The following SGCZ variants were observed in gnomAD, a reference collection of about 807,000 sequenced individuals.
SGCZ encodes sarcoglycan zeta, also known as zeta-sarcoglycan.
Under a neutral mutation model 41.3 loss-of-function variants are expected in SGCZ, and 40 were observed. The observed-to-expected ratio is 0.97, with a 90% CI of 0.75 to 1.26. SGCZ has a LOEUF of 1.26. SGCZ is among the 50% of genes most tolerant of loss of function. The pLI is 0.00. For missense variants in SGCZ, 552 were observed against 369.8 expected, an observed-to-expected ratio of 1.49 and a Z score of -4.04; for synonymous variants, 206 against 137.5, an observed-to-expected ratio of 1.50 and a Z score of -3.49.
chr8:14,704,994 CATTT>C (rs1384005910), intron 1 of SGCZ, among the ~76,000 whole-genome samples: 7 of 152,048 alleles, frequency 4.6e-5, no homozygotes, highest in Middle Eastern at 3.4e-3. Flanking sequence ...TTGAAATTGA[CATTT>C]ATTAGAAAAT....
chr8:14,379,522 A>C (rs1804275683), intron 2 of SGCZ, among the ~76,000 whole-genome samples: 3 of 152,166 alleles, frequency 2.0e-5, no homozygotes. Context: ...GAAACAACTC[A>C]ATATCATGAA....
Position 14,164,961 on chromosome 8 carries a change from C to A in SGCZ, c.425-259G>T, listed in dbSNP as rs565859431. ...GCATGTGAGTTTAGCCAGTTAAGAG[C>A]CCTTCACATATCCACAAAAAGAGAC... On this transcript the variant is annotated intron_variant, in intron 4 of 7. Transcript: ENST00000382080. The A allele has an allele frequency of 2.2e-4, 81 of 374,218 alleles. 1 individual carries two copies. The South Asian group carries it at 2.4e-3, about 11-fold the overall frequency. 23.2% of individuals were successfully genotyped at this position (374,218 alleles called of 1,614,324 possible). A position where few individuals can be genotyped will look rare whatever the true frequency, so the allele number is the denominator to read the frequency against.
At chr8:15,229,004 G>C (rs1189479837) in intron 1 of SGCZ, among the ~76,000 whole-genome samples, 2 of 152,122 alleles carry the variant, frequency 1.3e-5, no homozygotes, top group East Asian at 3.9e-4. Context: ...GACCAGCCTG[G>C]CCAACATGGT....
rs757969917 is a variant in SGCZ at position 14,554,825 on chromosome 8, C to T, written c.141G>A (p.Arg47=). Residue 47 remains arginine (R), a synonymous_variant, in exon 2 of 8, where the codon AGG becomes AGA. Coordinates refer to ENST00000382080, the MANE Select transcript of SGCZ (RefSeq NM_139167.4). Reference sequence around the variant, plus strand: ...GCAGAAGGACAAAGAAGTATAAGCACCTCTTTCGCCATCCATAAATTCCCA... The same window carrying T: ...GCAGAAGGACAAAGAAGTATAAGCATCTCTTTCGCCATCCATAAATTCCCA... ...YPVGIYGWRK[R]CLYFFVLLLL... 24 of 1,613,078 alleles carry T rather than the reference C, an allele frequency of 1.5e-5. No individual in the cohort carries two copies. The highest frequency in any genetic ancestry group is 1.9e-5 in the Non-Finnish European group (23 of 1,179,542).
At chr8:14,333,570 A>G (rs1219043749) in intron 2 of SGCZ, among the ~76,000 whole-genome samples, 4 of 152,138 alleles carry the variant, frequency 2.6e-5, no homozygotes, top group African/African-American at 9.7e-5. Context: ...ATTGCATGAT[A>G]TACTCCTACT....
At chr8:14,888,735 A>G (rs1804901347) in intron 1 of SGCZ, among the ~76,000 whole-genome samples, 2 of 152,198 alleles carry the variant, frequency 1.3e-5, no homozygotes, top group Admixed American at 1.3e-4. Flanking sequence ...TTTATAAGGC[A>G]TAATGCCTTG....
In SGCZ at chr8:14,621,645, G is replaced by C. The variant is rs529090875; in HGVS notation, c.40-66719C>G. On this transcript the variant is annotated intron_variant, in intron 1 of 7. Transcript: ENST00000382080. ...GGGAGGCTTATACATCTTCACAATGGAGAGCAAGAGACTGAGAGAGAGTGA... is the reference window on the plus strand; with the variant it reads ...GGGAGGCTTATACATCTTCACAATGCAGAGCAAGAGACTGAGAGAGAGTGA... Among the ~76,000 whole-genome samples, 20 of 152,152 alleles carry C rather than the reference G, an allele frequency of 1.3e-4. 1 individual carries two copies. In the South Asian group the frequency reaches 3.7e-3, roughly 28 times the overall value.
intron 1 of SGCZ, chr8:14,853,540 G>T (rs1196407554): frequency 1.9e-6 from 1 of 524,756 alleles, no homozygotes; most frequent in Admixed American, 2.0e-5. Flanking sequence ...GAAGTCTCTT[G>T]ATAAATTATG....
intron 1 of SGCZ, among the ~76,000 whole-genome samples, chr8:14,884,274 C>G (rs936218881): frequency 6.6e-6 from 1 of 152,088 alleles, no homozygotes; most frequent in African/African-American, 2.4e-5. Context: ...CTTTCCAAAC[C>G]TGGCGTGTTT....
At chr8:14,498,676 C>A (rs1269231879) in intron 2 of SGCZ, among the ~76,000 whole-genome samples, 1 of 151,968 alleles carries the variant, frequency 6.6e-6, no homozygotes, top group Non-Finnish European at 1.5e-5. Context: ...AGTCATTATA[C>A]TGTTTAACAC....
chr8:14,244,737 C>T (rs1214298736), intron 3 of SGCZ, among the ~76,000 whole-genome samples: 1 of 151,934 alleles, frequency 6.6e-6, no homozygotes, highest in African/African-American at 2.4e-5. Context: ...ATGGAATGTT[C>T]TTCCATTTGT....
chr8:14,310,161 C>T (rs1342784386), intron 3 of SGCZ, among the ~76,000 whole-genome samples: 9 of 152,142 alleles, frequency 5.9e-5, no homozygotes, highest in Non-Finnish European at 1.2e-4. Context: ...CTTTGCTGTA[C>T]TCTTCCTGAT....
intron 1 of SGCZ, among the ~76,000 whole-genome samples, chr8:15,062,961 C>G (rs1219947374): frequency 2.0e-5 from 3 of 152,000 alleles, no homozygotes; most frequent in Non-Finnish European, 2.9e-5. Context: ...CAGAAAGATA[C>G]TAAAAAGAAT....
intron 1 of SGCZ, among the ~76,000 whole-genome samples, chr8:14,694,109 G>T (rs2117578972): frequency 6.6e-6 from 1 of 152,178 alleles, no homozygotes; most frequent in South Asian, 2.1e-4. Flanking sequence ...TCTTAAAATT[G>T]ATTGAATATA....
intron 1 of SGCZ, among the ~76,000 whole-genome samples, chr8:14,939,901 C>G (rs1022538179): frequency 1.3e-5 from 2 of 152,176 alleles, no homozygotes; most frequent in Admixed American, 6.5e-5. Flanking sequence ...GTATTCATCA[C>G]TTCCTTCTCT....
intron 2 of SGCZ, among the ~76,000 whole-genome samples, chr8:14,433,294 C>T (rs946921781): frequency 1.3e-5 from 2 of 152,092 alleles, no homozygotes; most frequent in South Asian, 2.1e-4. Flanking sequence ...ATTACTTGTC[C>T]GTTTAACACC....
chr8:14,249,985 C>G (rs1203837485), intron 3 of SGCZ, among the ~76,000 whole-genome samples: 2 of 152,202 alleles, frequency 1.3e-5, no homozygotes, highest in Admixed American at 1.3e-4. Context: ...AAGAAGATTA[C>G]TCCAACCCAG....
At chr8:14,497,716 G>A (rs901902321) in intron 2 of SGCZ, among the ~76,000 whole-genome samples, 2 of 151,976 alleles carry the variant, frequency 1.3e-5, no homozygotes, top group Non-Finnish European at 2.9e-5. Flanking sequence ...GTGCTAAACC[G>A]TTCATAAGGG....
At chr8:14,124,031 A>T (rs559918755) in intron 5 of SGCZ, among the ~76,000 whole-genome samples, 15 of 152,288 alleles carry the variant, frequency 9.8e-5, no homozygotes, top group Admixed American at 9.8e-4. Context: ...TAGGAGCTGG[A>T]AAAGCAAAGG....
Sources: allele counts gnomAD v4.1 joint callset (sites outside exome capture counted in the v4.1 genomes callset), GRCh38; gene constraint gnomAD v4.1.1; transcripts MANE v1.5; gene names NCBI Gene and HGNC (gene_info 2026-07-23, HGNC 2026-07-21).